Variants in JAK1 observed in about 807,000 individuals in gnomAD.
The protein encoded by JAK1 is Janus kinase 1.
In JAK1, 16 loss-of-function variants were observed where a neutral mutation model predicts 136.6. That is an observed-to-expected ratio of 0.12 (90% confidence interval 0.08 to 0.18). JAK1 has a LOEUF of 0.18. JAK1 is among the 10% of genes least tolerant of loss of function. The pLI, the probability that JAK1 is intolerant of heterozygous loss-of-function variation, is 1.00. For missense variants in JAK1, 859 were observed against 1,450.1 expected (o/e 0.59, Z 6.62); for synonymous variants, 492 against 519.5 (o/e 0.95, Z 0.72).
At chr1:65,018,487 A>AGAACACACACACAC (rs1394294153) in intron 2 of JAK1, among the ~76,000 whole-genome samples, 3 of 96,042 alleles carry the variant, frequency 3.1e-5, no homozygotes, top group African/African-American at 1.6e-4. Context: ...AGAGAGAGAG[A>AGAACACACACACAC]ACACACACAC....
chr1:64,981,855 A>G (rs1646548950), intron 2 of JAK1, among the ~76,000 whole-genome samples: 2 of 152,218 alleles, frequency 1.3e-5, no homozygotes, highest in Non-Finnish European at 2.9e-5. Flanking sequence ...CTCACACTCC[A>G]GGATAATAAT....
upstream of JAK1, among the ~76,000 whole-genome samples, chr1:64,967,564 G>T (rs1465324679): frequency 6.6e-6 from 1 of 152,188 alleles, no homozygotes; most frequent in East Asian, 1.9e-4. Flanking sequence ...TGTGGACAGA[G>T]GCTGCCCCAC....
intron 2 of JAK1, among the ~76,000 whole-genome samples, chr1:64,973,301 AAG>A (rs899003014): frequency 3.4e-5 from 5 of 148,156 alleles, no homozygotes; most frequent in African/African-American, 1.2e-4. Flanking sequence ...GCGAGAAAGA[AAG>A]AGAGAGAAAG....
chr1:64,926,971 C>T (rs1645593832), intron 1 of JAK1, among the ~76,000 whole-genome samples: 1 of 152,228 alleles, frequency 6.6e-6, no homozygotes, highest in Admixed American at 6.5e-5. Flanking sequence ...GTGCTTGCTA[C>T]TGTTATCATC....
chr1:64,967,024 A>C (rs925296517), upstream of JAK1, among the ~76,000 whole-genome samples: 4 of 152,082 alleles, frequency 2.6e-5, no homozygotes, highest in African/African-American at 4.8e-5. Flanking sequence ...AAGCTACTGC[A>C]GATCCAACCC....
intron 3 of JAK1, among the ~76,000 whole-genome samples, chr1:64,881,651 T>C (rs2101244407): frequency 6.6e-6 from 1 of 152,296 alleles, no homozygotes; most frequent in South Asian, 2.1e-4. Context: ...ACACCACTCA[T>C]TTTCTATAAG....
intron 4 of JAK1, among the ~76,000 whole-genome samples, chr1:64,877,522 G>C (rs1291856404): frequency 6.6e-6 from 1 of 152,032 alleles, no homozygotes; most frequent in East Asian, 1.9e-4. Flanking sequence ...GCCTCAAAGA[G>C]CTCTACAATG....
At chr1:64,890,767 C>T (rs1220068765) in intron 1 of JAK1, among the ~76,000 whole-genome samples, 5 of 152,130 alleles carry the variant, frequency 3.3e-5, no homozygotes, top group South Asian at 2.1e-4. Context: ...GAATCTGCTT[C>T]GAAGAGCAAA....
At chr1:64,966,114 G>C in intron 1 of JAK1, among the ~76,000 whole-genome samples, 1 of 151,756 alleles carries the variant, frequency 6.6e-6, no homozygotes, top group East Asian at 2.0e-4. Context: ...GCCCCCGCCC[G>C]GCGACCTCCT....
intron 1 of JAK1, among the ~76,000 whole-genome samples, chr1:64,945,218 G>A (rs182532895): frequency 2.0e-5 from 3 of 152,206 alleles, no homozygotes; most frequent in African/African-American, 7.2e-5. Flanking sequence ...ACAGCAAGGG[G>A]TGAGAGGTGT....
intron 2 of JAK1, among the ~76,000 whole-genome samples, chr1:65,015,498 G>T (rs959212089): frequency 6.6e-5 from 10 of 151,916 alleles, no homozygotes; most frequent in African/African-American, 2.4e-4. Context: ...ATACAAAAAA[G>T]AAGAGAAAAA....
intron 2 of JAK1, among the ~76,000 whole-genome samples, chr1:65,031,886 G>T (rs1016453002): frequency 6.6e-6 from 1 of 151,620 alleles, no homozygotes; most frequent in Non-Finnish European, 1.5e-5. Context: ...AAAAATTAAA[G>T]AAATGTGCTT....
At chr1:65,014,723 C>T (rs1250603682) in intron 2 of JAK1, among the ~76,000 whole-genome samples, 3 of 149,438 alleles carry the variant, frequency 2.0e-5, no homozygotes, top group Non-Finnish European at 3.0e-5. Context: ...CTCTCTCTGT[C>T]GCCCAGGCTG....
At chr1:64,915,064 T>A (rs372931436) in intron 1 of JAK1, among the ~76,000 whole-genome samples, 1 of 152,146 alleles carries the variant, frequency 6.6e-6, no homozygotes, top group South Asian at 2.1e-4. Flanking sequence ...CTGCCTCTCT[T>A]CACTATAAAA....
chr1:65,019,460 C>A (rs1316974393), intron 2 of JAK1, among the ~76,000 whole-genome samples: 6 of 148,320 alleles, frequency 4.0e-5, no homozygotes, highest in African/African-American at 2.5e-5. Context: ...ATGACCCCCC[C>A]CCCAATATAT....
rs41313361 is a variant in JAK1, at chr1:64,851,017, T to C, written c.1649-107A>G. On this transcript the variant is annotated intron_variant, in intron 11 of 24. Transcript: ENST00000342505. ...GTGGGACCGGTGTGCGGGCGCTTGC[T>C]GCTTCAGTCATTCGACAAGTGCTTA... The C allele has an allele frequency of 3.9e-3, 2,857 of 730,300 alleles. 16 individuals carry two copies. Among genetic ancestry groups the C allele is most frequent in the Non-Finnish European group, 5.8e-3 (2,337 of 404,416 alleles). 45.2% of individuals were successfully genotyped at this position (730,300 alleles called of 1,614,324 possible).
intron 2 of JAK1, among the ~76,000 whole-genome samples, chr1:65,043,794 C>T (rs1218581690): frequency 6.7e-6 from 1 of 149,836 alleles, no homozygotes; most frequent in African/African-American, 2.5e-5. Context: ...ACAATCGCAG[C>T]TCACTGCAAC....
intron 12 of JAK1, among the ~76,000 whole-genome samples, chr1:64,849,772 C>G (rs1655470490): frequency 6.6e-6 from 1 of 152,136 alleles, no homozygotes; most frequent in Non-Finnish European, 1.5e-5. Context: ...AGGCAGGCCC[C>G]ACAGACTATG....
rs911387473 is a variant in JAK1 at position 64,834,576 on chromosome 1, C to T, written c.3451G>A (p.Ala1151Thr). Residue 1151 changes from alanine to threonine, a missense_variant, in exon 25 of 25, where the codon GCA (alanine) becomes ACA (threonine). By Grantham distance (58) the Ala-to-Thr change is moderately conservative. Around this residue, in one of 4 missense-constraint regions of JAK1, gnomAD observed 53 missense variants for 64.8 expected, o/e 0.82. Transcript: ENST00000342505. ...SFQNLIEGFE[A>T]LLK Reference sequence around the variant, plus strand: ...ATTCATGCTTCTTATTTTAAAAGTGCTTCAAATCCTTCAATAAGGTTCTGA... The same window carrying T: ...ATTCATGCTTCTTATTTTAAAAGTGTTTCAAATCCTTCAATAAGGTTCTGA... 1.9e-6 allele frequency: 3 copies of T among 1,603,116 alleles called. No individual in the cohort carries two copies. Among genetic ancestry groups the T allele is most frequent in the African/African-American group, 2.7e-5 (2 of 74,704 alleles).
Sources: allele counts gnomAD v4.1 joint callset (sites outside exome capture counted in the v4.1 genomes callset), GRCh38; gene constraint gnomAD v4.1.1; regional missense constraint gnomAD v4.1.1; transcripts MANE v1.5; gene names NCBI Gene and HGNC (gene_info 2026-07-23, HGNC 2026-07-21).